Variants in PREP observed in about 807,000 individuals in gnomAD.
PREP encodes the protein dJ355L5.1 (prolyl endopeptidase).
PREP carries 29 observed loss-of-function variants against 87.6 expected under a neutral mutation model. That is an observed-to-expected ratio of 0.33 (90% CI 0.25 to 0.45). The LOEUF (loss-of-function observed/expected upper bound fraction) is 0.45. PREP is among the 20% of genes least tolerant of loss of function. The pLI is 1.00. For missense variants in PREP, 695 were observed against 886.5 expected (o/e 0.78, Z 2.74); for synonymous variants, 337 against 328.6 (o/e 1.03, Z -0.28).
At chr6:105,301,336 G>A (rs1770534958) in intron 10 of PREP, among the ~76,000 whole-genome samples, 1 of 152,218 alleles carries the variant, frequency 6.6e-6, no homozygotes. Context: ...AATCTGACAA[G>A]GAGCAGAACT....
At chr6:105,290,522 T>C (rs1479851501) in intron 10 of PREP, among the ~76,000 whole-genome samples, 1 of 152,194 alleles carries the variant, frequency 6.6e-6, no homozygotes, top group Non-Finnish European at 1.5e-5. Flanking sequence ...CCCCTCCTCA[T>C]GTACCCTGAT....
chr6:105,382,270 A>AACACACACACACACACACAC (rs146759488), intron 2 of PREP, among the ~76,000 whole-genome samples: 32 of 143,116 alleles, frequency 2.2e-4, no homozygotes, highest in Admixed American at 3.6e-4. Flanking sequence ...AAGCGTTCTC[A>AACACACACACACACACACAC]ACACACACAC....
At chr6:105,318,429 A>T (rs1405172059) in intron 10 of PREP, among the ~76,000 whole-genome samples, 1 of 152,212 alleles carries the variant, frequency 6.6e-6, no homozygotes, top group Non-Finnish European at 1.5e-5. Context: ...AGACTGCAGC[A>T]ACTACAGACT....
At chr6:105,402,033 G>T (rs1349813105) in intron 1 of PREP, among the ~76,000 whole-genome samples, 1 of 152,152 alleles carries the variant, frequency 6.6e-6, no homozygotes, top group Non-Finnish European at 1.5e-5. Context: ...AAAGGTGTCT[G>T]CCCAGAATTC....
In PREP at chr6:105,274,323, T is replaced by C. The variant is rs1195037092; in HGVS notation, c.*3821A>G. 2.6e-5 allele frequency among the ~76,000 whole-genome samples: 4 copies of C among 152,106 alleles called. No homozygotes were observed. The South Asian group carries it at 6.2e-4, about 24-fold the overall frequency. ...GGGGGGGTCTCTCCTTGGGCTCTAA[T>C]ATAAAGGCACCAGTCCCATTCATGA... On this transcript the variant is annotated 3_prime_UTR_variant, in exon 15 of 15. Coordinates refer to ENST00000652536, the MANE Select transcript of PREP (RefSeq NM_002726.5).
At chr6:105,289,412 G>A (rs988279854) in intron 10 of PREP, among the ~76,000 whole-genome samples, 5 of 152,172 alleles carry the variant, frequency 3.3e-5, no homozygotes, top group African/African-American at 1.2e-4. Context: ...ATTTTTCTAT[G>A]CTGAACTACT....
At chr6:105,348,836 G>A (rs1234317233) in intron 7 of PREP, among the ~76,000 whole-genome samples, 2 of 150,530 alleles carry the variant, frequency 1.3e-5, no homozygotes, top group Non-Finnish European at 2.9e-5. Flanking sequence ...CTGAGATCAC[G>A]CCACTGCACT....
At chr6:105,402,744 C>T in intron 1 of PREP, 103 bp downstream of exon 1, 2 of 1,098,118 alleles carry the variant, frequency 1.8e-6, no homozygotes, top group Non-Finnish European at 2.5e-6. Flanking sequence ...GGGAGGGACG[C>T]GGGGGTCGAA....
At position 105,402,909 on chromosome 6, in the gene PREP, G is replaced by A. The variant is rs1481420502; in HGVS notation, c.-18C>T. ...GACAGCATGGCCGGGGACAGGCAGG[G>A]GGCAGCGTGGAGGGGCGCGGGCTCC... On this transcript the variant is annotated 5_prime_UTR_variant, in exon 1 of 15. Coordinates refer to ENST00000652536, the MANE Select transcript of PREP (RefSeq NM_002726.5). 2.0e-6 allele frequency: 3 copies of A among 1,464,366 alleles called. No homozygotes were observed. Among genetic ancestry groups the A allele is most frequent in the South Asian group, 1.3e-5 (1 of 77,704 alleles). The allele number at this position is 1,464,366 out of a possible 1,614,324, so 90.7% of individuals were successfully genotyped here.
At position 105,368,987 on chromosome 6, in the gene PREP, G is replaced by A. The variant is rs765999334; in HGVS notation, c.633C>T (p.Tyr211=). The change falls in exon 6 of 15, where the codon TAC becomes TAT. Residue 211 remains tyrosine, a synonymous_variant. Transcript: ENST00000652536. ...ETSTNLHQKL[Y]YHVLGTDQSE... ...ACTGATCGGTTCCCAAGACATGGTA[G>A]TAGAGCTTTTGGTGGAGATTGGTAG... 6.2e-7 allele frequency: 1 copy of A among 1,613,980 alleles called. No individual in the cohort carries two copies. Among genetic ancestry groups the A allele is most frequent in the Non-Finnish European group, 8.5e-7 (1 of 1,179,888 alleles).
intron 9 of PREP, among the ~76,000 whole-genome samples, chr6:105,325,929 T>C (rs1486953043): frequency 6.6e-6 from 1 of 152,140 alleles, no homozygotes; most frequent in Non-Finnish European, 1.5e-5. Flanking sequence ...GGAGATCAGT[T>C]GGTATGTTCC....
chr6:105,342,729 T>A (rs937697892), intron 7 of PREP, among the ~76,000 whole-genome samples: 1 of 152,166 alleles, frequency 6.6e-6, no homozygotes, highest in African/African-American at 2.4e-5. Flanking sequence ...AGCATTCCTA[T>A]ACACCAATAA....
Position 105,278,510 on chromosome 6 carries a change from T to G in PREP, c.1839-72A>C. On this transcript the variant is annotated intron_variant, in intron 14 of 14. Transcript: ENST00000652536. This position sits in a 1 kb window ranked among gnomAD's most constrained non-coding sequence, Gnocchi z 4.2. ...TTTTATGGCACAGGGACCTAGGTAG[T>G]TAATTAGCAGTGAGGACTGCAGTTA... 10 of 1,464,244 alleles carry G rather than the reference T, an allele frequency of 6.8e-6. No homozygotes were observed. Among genetic ancestry groups the G allele is most frequent in the Non-Finnish European group, 9.4e-6 (10 of 1,067,924 alleles). The allele number at this position is 1,464,244 out of a possible 1,614,324, so 90.7% of individuals were successfully genotyped here. A position where few individuals can be genotyped will look rare whatever the true frequency, so the allele number is the denominator to read the frequency against.
At chr6:105,331,866 C>T (rs1332861623) in intron 8 of PREP, among the ~76,000 whole-genome samples, 3 of 152,078 alleles carry the variant, frequency 2.0e-5, no homozygotes, top group East Asian at 1.9e-4. Context: ...AGTCCCCCAC[C>T]CTATGGGAGG....
intron 7 of PREP, among the ~76,000 whole-genome samples, chr6:105,339,634 C>T (rs1350455105): frequency 6.6e-6 from 1 of 151,998 alleles, no homozygotes; most frequent in Non-Finnish European, 1.5e-5. Context: ...AAGCTAAAAA[C>T]CTTGAAAAAA....
chr6:105,364,268 A>T (rs1313235507), intron 6 of PREP, among the ~76,000 whole-genome samples: 1 of 152,208 alleles, frequency 6.6e-6, no homozygotes, highest in Non-Finnish European at 1.5e-5. Flanking sequence ...GGTTGAAGGC[A>T]GTCGTCCCGG....
rs1048512047 is a variant in PREP at position 105,281,679 on chromosome 6, C to A, written c.1838+67G>T. ...ACAGTGACAAAGCTCAAGCACTAATCCTGCTGTGACTGTGTTCAACTTTAT... is the reference window on the plus strand; with the variant it reads ...ACAGTGACAAAGCTCAAGCACTAATACTGCTGTGACTGTGTTCAACTTTAT... On this transcript the variant is annotated intron_variant, in intron 14 of 14. Transcript: ENST00000652536. The A allele has an allele frequency of 3.9e-6, 6 of 1,545,190 alleles. No homozygotes were observed. In the African/African-American group the frequency reaches 5.5e-5, roughly 14 times the overall value.
intron 10 of PREP, among the ~76,000 whole-genome samples, chr6:105,290,576 A>T (rs924760872): frequency 2.6e-5 from 4 of 151,992 alleles, no homozygotes; most frequent in Non-Finnish European, 5.9e-5. Context: ...ATCCCAGCTG[A>T]CTCTCAGACC....
At chr6:105,344,573 C>T (rs1174950231) in intron 7 of PREP, among the ~76,000 whole-genome samples, 3 of 151,592 alleles carry the variant, frequency 2.0e-5, no homozygotes, top group Non-Finnish European at 4.4e-5. Context: ...ACCAAACTAT[C>T]GCAAAGACAG....
Sources: gnomAD v4.1 joint callset for allele counts (sites outside exome capture counted in the v4.1 genomes callset) on GRCh38, gnomAD v4.1.1 for gene constraint, Gnocchi (gnomAD v3.1) non-coding constraint, MANE v1.5 for transcripts, NCBI Gene and HGNC (gene_info 2026-07-23, HGNC 2026-07-21) for gene names.